The following KIF13A variants were observed in gnomAD, a reference collection of about 807,000 sequenced individuals.
KIF13A encodes the protein kinesin-like protein KIF13A.
KIF13A carries 79 observed loss-of-function variants against 212.2 expected under a neutral mutation model. The observed-to-expected ratio is 0.37, with a 90% CI of 0.31 to 0.45. KIF13A has a LOEUF of 0.45. KIF13A is among the 20% of genes least tolerant of loss of function. The probability of loss-of-function intolerance (pLI) is 1.00; values close to 1 mark genes in which losing one functional copy is unlikely to be tolerated. For synonymous variants in KIF13A, 789 were observed against 808.6 expected (o/e 0.98, Z 0.41); for missense variants, 1,901 against 2,209.0 (o/e 0.86, Z 2.79).
At chr6:17,882,699 C>CTACA (rs1361632469) in intron 3 of KIF13A, among the ~76,000 whole-genome samples, 1 of 151,912 alleles carries the variant, frequency 6.6e-6, no homozygotes, top group Non-Finnish European at 1.5e-5. Flanking sequence ...GTAGCTGGGA[C>CTACA]TACAGCTGCC....
At chr6:17,800,603 A>ATTT (rs35331549) in intron 20 of KIF13A, among the ~76,000 whole-genome samples, 1 of 137,816 alleles carries the variant, frequency 7.3e-6, no homozygotes. Context: ...CGCCCAGCTA[A>ATTT]TTTTTTTTTT....
At position 17,872,797 on chromosome 6, in the gene KIF13A, G is replaced by T. The variant is rs1770142070; in HGVS notation, c.220+580C>A. 6.6e-6 allele frequency among the ~76,000 whole-genome samples: 1 copy of T among 152,000 alleles called. No individual in the cohort carries two copies. The highest frequency in any genetic ancestry group is 2.4e-5 in the African/African-American group (1 of 41,404). On this transcript the variant is annotated intron_variant, in intron 4 of 38. Coordinates refer to ENST00000259711, the MANE Select transcript of KIF13A (RefSeq NM_022113.6). The surrounding 1 kb of genome is among the most constrained non-coding windows in gnomAD (Gnocchi z 4.7). ...ATTACAGGCGCCCACCACCACACCT[G>T]AATAAGTTTTGTATGTTTAGTAGAG...
chr6:17,873,978 C>G (rs1770258098), intron 3 of KIF13A, among the ~76,000 whole-genome samples: 1 of 152,100 alleles, frequency 6.6e-6, no homozygotes, highest in Non-Finnish European at 1.5e-5. Flanking sequence ...ATCTAGAATT[C>G]AAATAACCAG....
chr6:17,975,536 A>G (rs1780316020), intron 2 of KIF13A, among the ~76,000 whole-genome samples: 1 of 152,028 alleles, frequency 6.6e-6, no homozygotes, highest in Non-Finnish European at 1.5e-5. Flanking sequence ...AATTCATTGC[A>G]AAGACCAAAA....
rs1768048909 is a variant in KIF13A at position 17,855,380 on chromosome 6, G to T, written c.494+57C>A. 5 of 1,302,910 alleles carry T rather than the reference G, an allele frequency of 3.8e-6. No homozygotes were observed. The allele number at this position is 1,302,910 out of a possible 1,614,324, so 80.7% of individuals were successfully genotyped here. A position where few individuals can be genotyped will look rare whatever the true frequency, so the allele number is the denominator to read the frequency against. On this transcript the variant is annotated intron_variant, in intron 6 of 38. Transcript: ENST00000259711. This position sits in a 1 kb window ranked among gnomAD's most constrained non-coding sequence, Gnocchi z 4.1. ...ATATTCACTTCCAATTTTAACTTTAGAATCATTTAAAATTATCTCCCCCTA... is the reference window on the plus strand; with the variant it reads ...ATATTCACTTCCAATTTTAACTTTATAATCATTTAAAATTATCTCCCCCTA...
chr6:17,912,307 TAG>T lies in KIF13A; in HGVS notation c.147-14129_147-14128del. 6.6e-6 allele frequency among the ~76,000 whole-genome samples: 1 copy of T among 152,226 alleles called. No homozygotes were observed. Among genetic ancestry groups the T allele is most frequent in the Middle Eastern group, 3.4e-3 (1 of 294 alleles). ...TTGCAACTGAGGTACCATCACTTGA[TAG>T]AGTGACAGAAGAACATTCAGAAACC... On this transcript the variant is annotated intron_variant, in intron 2 of 38. Transcript: ENST00000259711. This position sits in a 1 kb window ranked among gnomAD's most constrained non-coding sequence, Gnocchi z 4.2.
In KIF13A at chr6:17,802,799, T is replaced by C. The variant is rs142958335; in HGVS notation, c.2454+1562A>G. On this transcript the variant is annotated intron_variant, in intron 20 of 38. Transcript: ENST00000259711. ...GCTCTGTTGTCCAGGCTGGGGTGCA[T>C]TGGTATGATCATGGCTCACTGCTGC... 5.2e-3 allele frequency among the ~76,000 whole-genome samples: 798 copies of C among 152,054 alleles called. 11 individuals are homozygous for C. Among genetic ancestry groups the C allele is most frequent in the African/African-American group, 0.017 (726 of 41,494 alleles).
intron 17 of KIF13A, among the ~76,000 whole-genome samples, chr6:17,814,526 C>T (rs945568800): frequency 6.6e-6 from 1 of 151,884 alleles, no homozygotes; most frequent in African/African-American, 2.4e-5. Flanking sequence ...GGATTACAGG[C>T]GTGAGCCACC....
In KIF13A at chr6:17,850,507, A is replaced by G. The variant is rs1225782604; in HGVS notation, c.583-50T>C. ...ACCATAAGCAAAAACACAAGAATGT[A>G]GTCCTGCACACCAGGTATATGTATT... is the stretch of plus-strand genomic sequence containing the variant. On this transcript the variant is annotated intron_variant, in intron 7 of 38. Coordinates refer to ENST00000259711, the MANE Select transcript of KIF13A (RefSeq NM_022113.6). The surrounding 1 kb of genome is among the most constrained non-coding windows in gnomAD (Gnocchi z 6.2). 12 of 1,544,770 alleles carry G rather than the reference A, an allele frequency of 7.8e-6. No homozygotes were observed. Among genetic ancestry groups the G allele is most frequent in the Non-Finnish European group, 1.1e-5 (12 of 1,138,888 alleles).
intron 2 of KIF13A, among the ~76,000 whole-genome samples, chr6:17,904,903 T>C (rs995946361): frequency 6.6e-6 from 1 of 152,234 alleles, no homozygotes; most frequent in Non-Finnish European, 1.5e-5. Flanking sequence ...GATATACAGT[T>C]AAATAGCATT....
intron 14 of KIF13A, among the ~76,000 whole-genome samples, chr6:17,827,939 A>G (rs1765113393): frequency 6.6e-6 from 1 of 152,250 alleles, no homozygotes; most frequent in South Asian, 2.1e-4. Flanking sequence ...AAGAAAAGAA[A>G]TGTCACTTTG....
Position 17,837,413 on chromosome 6 carries a change from C to A in KIF13A, c.942+59G>T. 1 of 1,147,312 alleles carries A rather than the reference C, an allele frequency of 8.7e-7. No homozygotes were observed. The highest frequency in any genetic ancestry group is 1.3e-5 in the South Asian group (1 of 75,270). 71.1% of individuals were successfully genotyped at this position (1,147,312 alleles called of 1,614,324 possible). On this transcript the variant is annotated intron_variant, in intron 10 of 38. Coordinates refer to ENST00000259711, the MANE Select transcript of KIF13A (RefSeq NM_022113.6). The surrounding 1 kb of genome is among the most constrained non-coding windows in gnomAD (Gnocchi z 5.4). ...GGTTAGCTTTGTACACACCTTTACT[C>A]TGTCACATCTGGAATAGCCAATTTT...
At chr6:17,978,353 T>A (rs1050938785) in intron 2 of KIF13A, among the ~76,000 whole-genome samples, 5 of 152,236 alleles carry the variant, frequency 3.3e-5, no homozygotes, top group Non-Finnish European at 7.3e-5. Flanking sequence ...TTTGCATGTC[T>A]AAATATCCAG....
rs1763264030 is a variant in KIF13A, at chr6:17,809,654, TG to T, written c.2001-725del. 7.2e-5 allele frequency among the ~76,000 whole-genome samples: 11 copies of T among 152,214 alleles called. No individual in the cohort carries two copies. The highest frequency in any genetic ancestry group is 1.3e-4 in the Non-Finnish European group (9 of 68,042). ...CTACCCTAGCTCCTGGCCAAGTGCA[TG>T]ACCCATCGTAGGATATTCAAAAAAG... On this transcript the variant is annotated intron_variant, in intron 17 of 38. Coordinates refer to ENST00000259711, the MANE Select transcript of KIF13A (RefSeq NM_022113.6). The surrounding 1 kb of genome is among the most constrained non-coding windows in gnomAD (Gnocchi z 4.7).
chr6:17,834,681 A>G lies in KIF13A; in HGVS notation c.1156-610T>C, dbSNP rs906354242. On this transcript the variant is annotated intron_variant, in intron 11 of 38. Transcript: ENST00000259711. This position sits in a 1 kb window ranked among gnomAD's most constrained non-coding sequence, Gnocchi z 4.0. ...AATACAGATACTTGCAGCTTAACAA[A>G]ATTTTGAGGGGAGAGGCCTTTACTT... Among the ~76,000 whole-genome samples the G allele has an allele frequency of 3.3e-5, 5 of 152,188 alleles. No individual in the cohort carries two copies. The highest frequency in any genetic ancestry group is 2.9e-5 in the Non-Finnish European group (2 of 68,036).
intron 2 of KIF13A, among the ~76,000 whole-genome samples, chr6:17,979,901 C>G (rs1189886819): frequency 1.3e-5 from 2 of 151,320 alleles, no homozygotes; most frequent in East Asian, 3.9e-4. Flanking sequence ...AAAGGTAGGA[C>G]AAAAAGACAA....
Position 17,799,319 on chromosome 6 carries a change from G to A in KIF13A, c.2737C>T (p.Pro913Ser), listed in dbSNP as rs201026056. 434 of 1,613,202 alleles carry A rather than the reference G, an allele frequency of 2.7e-4. No individual in the cohort carries two copies. The highest frequency in any genetic ancestry group is 3.4e-4 in the Non-Finnish European group (397 of 1,179,598). The change falls in exon 22 of 39, where the codon CCT (proline) becomes TCT (serine). Residue 913 changes from proline to serine, a missense_variant. Around this residue, in one of 5 missense-constraint regions of KIF13A, gnomAD observed 534 missense variants for 536.9 expected, o/e 0.99. Transcript: ENST00000259711. The surrounding 1 kb of genome is among the most constrained non-coding windows in gnomAD (Gnocchi z 4.4). ...TGGGCATCCTTGGACTGTGGTGAAG[G>A]CACCTCGGGGTCCACCACCGGGGCA... ...VAAPVVDPEVPSPQSKDAQYT... is the reference protein window; with the variant it reads ...VAAPVVDPEVSSPQSKDAQYT...
chr6:17,896,586 T>G (rs1772587802), intron 3 of KIF13A, among the ~76,000 whole-genome samples: 1 of 152,210 alleles, frequency 6.6e-6, no homozygotes, highest in Non-Finnish European at 1.5e-5. Flanking sequence ...ATATACACAT[T>G]GTTTAACATT....
Position 17,796,396 on chromosome 6 carries a change from C to T in KIF13A, c.2942+273G>A, listed in dbSNP as rs1042271604. Among the ~76,000 whole-genome samples the T allele has an allele frequency of 4.6e-5, 7 of 151,268 alleles. No individual in the cohort carries two copies. The South Asian group carries it at 1.5e-3, about 31-fold the overall frequency. ...AGTAGCTGGGATTACAGGTGCGTGC[C>T]ACCACACCTGGGTAATTTTTGTATT... On this transcript the variant is annotated intron_variant, in intron 23 of 38. Transcript: ENST00000259711.
Sources: gnomAD v4.1 joint callset for allele counts (sites outside exome capture counted in the v4.1 genomes callset) on GRCh38, gnomAD v4.1.1 for gene constraint, gnomAD v4.1.1 regional missense constraint, Gnocchi (gnomAD v3.1) non-coding constraint, MANE v1.5 for transcripts, NCBI Gene and HGNC (gene_info 2026-07-23, HGNC 2026-07-21) for gene names.